The following DLG2 variants were observed in gnomAD, a reference collection of about 807,000 sequenced individuals.
The protein encoded by DLG2 is disks large homolog 2.
DLG2 carries 45 observed loss-of-function variants against 132.5 expected under a neutral mutation model. The observed-to-expected ratio is 0.34, with a 90% confidence interval of 0.27 to 0.44. DLG2 has a LOEUF of 0.44. Ranked by LOEUF, DLG2 falls within the 20% of genes least tolerant of loss-of-function variation. The pLI is 1.00. For missense variants in DLG2, 1,045 were observed against 1,196.9 expected (o/e 0.87, Z 1.87); for synonymous variants, 424 against 419.6 (o/e 1.01, Z -0.13).
intron 6 of DLG2, among the ~76,000 whole-genome samples, chr11:85,096,340 C>A (rs1410026856): frequency 6.6e-6 from 1 of 152,210 alleles, no homozygotes; most frequent in Non-Finnish European, 1.5e-5. Context: ...GTAACACTCA[C>A]TGCAAGGGTC....
chr11:83,562,161 A>C (rs2096622282), intron 19 of DLG2, among the ~76,000 whole-genome samples: 1 of 152,072 alleles, frequency 6.6e-6, no homozygotes, highest in Non-Finnish European at 1.5e-5. Context: ...TGCTGGGATT[A>C]CATGCGTGAG....
chr11:83,538,642 T>C (rs1214663079), intron 20 of DLG2, among the ~76,000 whole-genome samples: 1 of 152,194 alleles, frequency 6.6e-6, no homozygotes, highest in Non-Finnish European at 1.5e-5. Context: ...TTATGAGGTT[T>C]TTGTGTAGAT....
intron 17 of DLG2, among the ~76,000 whole-genome samples, chr11:83,787,436 C>T (rs965854665): frequency 1.1e-4 from 16 of 150,426 alleles, no homozygotes; most frequent in Non-Finnish European, 1.6e-4. Context: ...ATTCTCCTGC[C>T]TCAGCCTCCC....
chr11:85,063,383 T>A (rs1256558832), intron 6 of DLG2, among the ~76,000 whole-genome samples: 3 of 151,884 alleles, frequency 2.0e-5, no homozygotes, highest in Non-Finnish European at 4.4e-5. Context: ...GTTCTTGCTA[T>A]TATTACAAAA....
At chr11:85,460,887 T>C (rs2092586691) in intron 3 of DLG2, among the ~76,000 whole-genome samples, 1 of 152,194 alleles carries the variant, frequency 6.6e-6, no homozygotes, top group African/African-American at 2.4e-5. Context: ...ATGCTGTTGG[T>C]TAGGTTTTAT....
In DLG2 at chr11:83,620,698, G is replaced by A. The variant is rs571045192; in HGVS notation, c.1940+12513C>T. ...ATCCCGGCTAAAACGGTGAAACCCC[G>A]TCTCTACTAAAAATACAAAAAATTA... On this transcript the variant is annotated intron_variant, in intron 19 of 27. Transcript: ENST00000376104. Among the ~76,000 whole-genome samples, 1,031 of 150,914 alleles carry A rather than the reference G, an allele frequency of 6.8e-3. 14 individuals are homozygous for A. The highest frequency in any genetic ancestry group is 0.024 in the African/African-American group (992 of 41,048).
intron 6 of DLG2, among the ~76,000 whole-genome samples, chr11:84,830,629 G>T (rs1046101817): frequency 5.3e-5 from 8 of 151,438 alleles, no homozygotes; most frequent in Non-Finnish European, 1.2e-4. Flanking sequence ...ATTAAACTGG[G>T]TCAGGAGGAA....
At chr11:85,171,353 T>C (rs1020912376) in intron 4 of DLG2, among the ~76,000 whole-genome samples, 1 of 152,094 alleles carries the variant, frequency 6.6e-6, no homozygotes, top group Non-Finnish European at 1.5e-5. Context: ...TGAGTGATTA[T>C]GCACCCTCAT....
chr11:83,769,240 C>A (rs1031362774), intron 18 of DLG2, among the ~76,000 whole-genome samples: 1 of 152,148 alleles, frequency 6.6e-6, no homozygotes, highest in East Asian at 1.9e-4. Flanking sequence ...ATTTTAAGGA[C>A]TAGCCATCAG....
chr11:84,408,066 C>A (rs1358214911), intron 7 of DLG2, among the ~76,000 whole-genome samples: 1 of 152,080 alleles, frequency 6.6e-6, no homozygotes, highest in Non-Finnish European at 1.5e-5. Context: ...TAATTTATCC[C>A]AGATAGAACA....
At chr11:85,129,669 C>CAT (rs2075499698) in intron 5 of DLG2, among the ~76,000 whole-genome samples, 2 of 152,126 alleles carry the variant, frequency 1.3e-5, no homozygotes, top group African/African-American at 2.4e-5. Context: ...GGATCTAAAA[C>CAT]TAGAAATACC....
chr11:85,443,081 A>C (rs1458965082), intron 3 of DLG2, among the ~76,000 whole-genome samples: 1 of 152,248 alleles, frequency 6.6e-6, no homozygotes, highest in Non-Finnish European at 1.5e-5. Context: ...GATGTGAAAA[A>C]AAAGAATTGA....
chr11:83,984,971 A>C (rs1300481433), intron 11 of DLG2, among the ~76,000 whole-genome samples: 1 of 152,138 alleles, frequency 6.6e-6, no homozygotes, highest in Non-Finnish European at 1.5e-5. Flanking sequence ...GACCAGAAAC[A>C]CTGTAATAAT....
At chr11:84,542,633 A>G (rs1428527888) in intron 6 of DLG2, among the ~76,000 whole-genome samples, 1 of 152,214 alleles carries the variant, frequency 6.6e-6, no homozygotes, top group Non-Finnish European at 1.5e-5. Flanking sequence ...AAGGAAGCAC[A>G]TATTCTAGAA....
At chr11:83,986,159 T>C (rs1319237108) in intron 11 of DLG2, among the ~76,000 whole-genome samples, 1 of 151,710 alleles carries the variant, frequency 6.6e-6, no homozygotes, top group African/African-American at 2.4e-5. Flanking sequence ...GCTGCACCCA[T>C]TAACTCGTCA....
intron 7 of DLG2, among the ~76,000 whole-genome samples, chr11:84,487,254 T>G (rs1430022144): frequency 6.6e-6 from 1 of 152,174 alleles, no homozygotes; most frequent in Non-Finnish European, 1.5e-5. Context: ...AAACTCATCT[T>G]GTAATTCAAG....
At chr11:84,900,440 C>T (rs988675718) in intron 6 of DLG2, among the ~76,000 whole-genome samples, 2 of 151,960 alleles carry the variant, frequency 1.3e-5, no homozygotes, top group African/African-American at 4.8e-5. Flanking sequence ...CTTCAAGATA[C>T]TTTTACTCTT....
At chr11:84,807,762 G>C (rs2076159074) in intron 6 of DLG2, among the ~76,000 whole-genome samples, 1 of 152,104 alleles carries the variant, frequency 6.6e-6, no homozygotes, top group Non-Finnish European at 1.5e-5. Context: ...ATCAGAAAGA[G>C]ACATTATTTA....
intron 6 of DLG2, among the ~76,000 whole-genome samples, chr11:85,051,139 T>A (rs920750702): frequency 1.3e-5 from 2 of 152,104 alleles, no homozygotes; most frequent in African/African-American, 4.8e-5. Flanking sequence ...ATGAAGAGGG[T>A]TGTTTCTAGC....
Sources: allele counts gnomAD v4.1 joint callset (sites outside exome capture counted in the v4.1 genomes callset), GRCh38; gene constraint gnomAD v4.1.1; transcripts MANE v1.5; gene names NCBI Gene and HGNC (gene_info 2026-07-23, HGNC 2026-07-21).